Variants in TMEM109 observed in about 807,000 individuals in gnomAD.
The protein encoded by TMEM109 is voltage-gated monoatomic cation channel TMEM109.
A neutral mutation model predicts 26.4 loss-of-function variants in TMEM109; 19 were observed. That is an observed-to-expected ratio of 0.72 (90% CI 0.50 to 1.06). TMEM109 has a LOEUF of 1.06. TMEM109 is among the 50% of genes least tolerant of loss of function. The probability of loss-of-function intolerance (pLI) is 0.00; values close to 1 mark genes in which losing one functional copy is unlikely to be tolerated. For missense variants in TMEM109, 262 were observed against 303.4 expected (o/e 0.86, Z 1.01); for synonymous variants, 129 against 142.0 (o/e 0.91, Z 0.65).
At chr11:60,919,089 TCA>T (rs770592278) in intron 1 of TMEM109, 1 of 153,976 alleles carries the variant, frequency 6.5e-6, no homozygotes, top group Non-Finnish European at 1.4e-5. Flanking sequence ...AACTTCTGAG[TCA>T]CAGTTTCTTC....
rs575108747 is a variant in TMEM109, at chr11:60,916,026, G to C, written c.-9+1758G>C. 1.3e-3 allele frequency among the ~76,000 whole-genome samples: 199 copies of C among 152,300 alleles called. 3 individuals are homozygous for C. The highest frequency in any genetic ancestry group is 4.6e-3 in the African/African-American group (191 of 41,562). The stretch of plus-strand genomic sequence containing the variant: ...TGTGTTCCCTCGGAGGAGTCTGGAT[G>C]TCCTTCCACTTTGAGCTTGTTGGTG... On this transcript the variant is annotated intron_variant, in intron 1 of 3. Coordinates refer to ENST00000227525, the MANE Select transcript of TMEM109 (RefSeq NM_024092.3).
intron 1 of TMEM109, among the ~76,000 whole-genome samples, chr11:60,915,623 G>T (rs1474160549): frequency 6.6e-6 from 1 of 152,204 alleles, no homozygotes; most frequent in East Asian, 1.9e-4. Flanking sequence ...GCAGCTATGA[G>T]CAGCGGCGGG....
At chr11:60,921,749 A>C (rs752335637) in intron 3 of TMEM109, 25 bp from the exon 4 acceptor site, 5 of 1,588,046 alleles carry the variant, frequency 3.1e-6, no homozygotes, top group Non-Finnish European at 8.6e-7. Flanking sequence ...AGGTTGGCTG[A>C]CTCTGTGACT....
intron 2 of TMEM109, 75 bp from the exon 3 acceptor site, chr11:60,920,811 G>A: frequency 1.6e-6 from 2 of 1,260,720 alleles, no homozygotes; most frequent in South Asian, 1.2e-5. Flanking sequence ...TTCTTGCCTG[G>A]ACAGTGGTGA....
rs1405135828 is a variant in TMEM109, at chr11:60,922,254, T to C, written c.*89T>C. The C allele has an allele frequency of 1.9e-6, 3 of 1,547,218 alleles. No individual in the cohort carries two copies. Among genetic ancestry groups the C allele is most frequent in the East Asian group, 4.9e-5 (2 of 40,932 alleles). On this transcript the variant is annotated 3_prime_UTR_variant, in exon 4 of 4. Coordinates refer to ENST00000227525, the MANE Select transcript of TMEM109 (RefSeq NM_024092.3). ...CCCTCCTGCCAGCCCCCTGCCCTTTTCTTGCCCTGTCTCTGAACCTTCAGA... is the reference window on the plus strand; with the variant it reads ...CCCTCCTGCCAGCCCCCTGCCCTTTCCTTGCCCTGTCTCTGAACCTTCAGA...
intron 1 of TMEM109, among the ~76,000 whole-genome samples, chr11:60,917,734 C>T (rs748318023): frequency 8.5e-5 from 13 of 152,168 alleles, no homozygotes; most frequent in South Asian, 2.1e-4. Flanking sequence ...TAGCTCACTG[C>T]AGCCGTGACC....
intron 1 of TMEM109, among the ~76,000 whole-genome samples, chr11:60,916,043 T>C (rs895472017): frequency 6.6e-6 from 1 of 152,190 alleles, no homozygotes. Context: ...CACTTTGAGC[T>C]TGTTGGTGAA....
chr11:60,921,837 G>A lies in TMEM109; in HGVS notation c.404G>A (p.Gly135Glu). The A allele has an allele frequency of 6.2e-7, 1 of 1,614,146 alleles. No individual in the cohort carries two copies. The highest frequency in any genetic ancestry group is 8.5e-7 in the Non-Finnish European group (1 of 1,180,052). ...CAGGTCCAGACCTTCCTGCTGTGGG[G>A]AGCAGGGGCCCTGGTCGTCTACTGG... ...PGQVQTFLLW[G>E]AGALVVYWLL... The change falls in exon 4 of 4, where the codon GGA becomes GAA. Residue 135 changes from glycine to glutamate, a missense_variant. Transcript: ENST00000227525.
At chr11:60,918,598 CTT>C (rs34970555) in intron 1 of TMEM109, 382 of 141,476 alleles carry the variant, frequency 2.7e-3, no homozygotes, top group Middle Eastern at 7.1e-3. Context: ...AAATTTCTTT[CTT>C]TTTTTTTTTT....
rs202067597 is a variant in TMEM109 at position 60,919,843 on chromosome 11, A to C, written c.150A>C (p.Pro50=). 97 of 1,614,222 alleles carry C rather than the reference A, an allele frequency of 6.0e-5. No individual in the cohort carries two copies. Among genetic ancestry groups the C allele is most frequent in the Non-Finnish European group, 8.0e-5 (94 of 1,180,042 alleles). Residue 50 remains proline (P), a synonymous_variant, in exon 2 of 4, where the codon CCA becomes CCC. Transcript: ENST00000227525. ...CAGGCCAACAGAAGAGAGAAGCCCC[A>C]GTTGATGTCTTGACCCAGATAGGTC... ...APPGQQKREA[P]VDVLTQIGRS... is the part of the protein sequence containing the mutation.
In TMEM109 at chr11:60,921,811, C is replaced by A. The variant is rs779606958; in HGVS notation, c.378C>A (p.Gly126=). The change falls in exon 4 of 4, where the codon GGC becomes GGA. Residue 126 remains glycine, a synonymous_variant. Transcript: ENST00000227525. ...YLAQGLKLSP[G]QVQTFLLWGA... ...CCCAGGGCCTGAAGCTCAGCCCTGG[C>A]CAGGTCCAGACCTTCCTGCTGTGGG... 1 of 1,613,726 alleles carries A rather than the reference C, an allele frequency of 6.2e-7. No homozygotes were observed.
At position 60,922,441 on chromosome 11, in the gene TMEM109, C is replaced by A; in HGVS notation, c.*276C>A. 1.4e-6 allele frequency: 2 copies of A among 1,382,658 alleles called. No homozygotes were observed. Among genetic ancestry groups the A allele is most frequent in the Non-Finnish European group, 2.0e-6 (2 of 1,022,070 alleles). 85.6% of individuals were successfully genotyped at this position (1,382,658 alleles called of 1,614,324 possible). Reference sequence around the variant, plus strand: ...GCCTCACCAGGGAAGGTTGGAGGGGCCTCCCTCTGGCTTCTGCATCTGCGC... The same window carrying A: ...GCCTCACCAGGGAAGGTTGGAGGGGACTCCCTCTGGCTTCTGCATCTGCGC... On this transcript the variant is annotated 3_prime_UTR_variant, in exon 4 of 4. Coordinates refer to ENST00000227525, the MANE Select transcript of TMEM109 (RefSeq NM_024092.3).
chr11:60,920,919 G>C lies in TMEM109; in HGVS notation c.271G>C (p.Ala91Pro). The C allele has an allele frequency of 6.2e-7, 1 of 1,614,162 alleles. No individual in the cohort carries two copies. Among genetic ancestry groups the C allele is most frequent in the Non-Finnish European group, 8.5e-7 (1 of 1,179,992 alleles). ...SSQVLWAISS[A>P]ISVAFFALSG... ...CCAAGTGTTGTGGGCCATCTCATCA[G>C]CCATTTCTGTGGCCTTCTTTGCTCT... Residue 91 changes from alanine (A) to proline (P), a missense_variant, in exon 3 of 4, where the codon GCC becomes CCC. By Grantham distance (27) the Ala-to-Pro change is conservative (BLOSUM62 -1). Coordinates refer to ENST00000227525, the MANE Select transcript of TMEM109 (RefSeq NM_024092.3).
chr11:60,917,057 A>G (rs1442635464), intron 1 of TMEM109, among the ~76,000 whole-genome samples: 1 of 152,196 alleles, frequency 6.6e-6, no homozygotes, highest in Admixed American at 6.5e-5. Flanking sequence ...AGGCTTTCCC[A>G]GCCTGAGGGC....
In TMEM109 at chr11:60,920,954, C is replaced by T. The variant is rs756084678; in HGVS notation, c.306C>T (p.Ile102=). 29 of 1,614,056 alleles carry T rather than the reference C, an allele frequency of 1.8e-5. No homozygotes were observed. Among genetic ancestry groups the T allele is most frequent in the Admixed American group, 5.0e-5 (3 of 59,996 alleles). ...TGGCCTTCTTTGCTCTGTCTGGGAT[C>T]GCCGCACAGCTGCTGAATGCCTTGG... The part of the protein sequence containing the change: ...ISVAFFALSG[I]AAQLLNALGL... Residue 102 remains isoleucine, a synonymous_variant, in exon 3 of 4, where the codon ATC becomes ATT. Coordinates refer to ENST00000227525, the MANE Select transcript of TMEM109 (RefSeq NM_024092.3).
At chr11:60,921,643 C>T in intron 3 of TMEM109, 131 bp from the exon 4 acceptor site, 1 of 706,564 alleles carries the variant, frequency 1.4e-6, no homozygotes, top group South Asian at 1.8e-5. Context: ...CAACCCATAT[C>T]ACTCTGAGTC....
chr11:60,921,636 C>A (rs1856239862), intron 3 of TMEM109, 138 bp from the exon 4 acceptor site: 1 of 689,936 alleles, frequency 1.4e-6, no homozygotes, highest in Admixed American at 2.5e-5. Context: ...GAGATTCCAA[C>A]CCATATCACT....
At chr11:60,921,481 C>T (rs896297995) in intron 3 of TMEM109, among the ~76,000 whole-genome samples, 1 of 152,182 alleles carries the variant, frequency 6.6e-6, no homozygotes, top group South Asian at 2.1e-4. Flanking sequence ...TCCTATCAGG[C>T]ATCGTGCTGA....
At chr11:60,916,449 C>T (rs1856175996) in intron 1 of TMEM109, among the ~76,000 whole-genome samples, 1 of 152,178 alleles carries the variant, frequency 6.6e-6, no homozygotes, top group South Asian at 2.1e-4. Context: ...CATGCTTCCT[C>T]CTCTCAGAGG....
Sources: allele counts gnomAD v4.1 joint callset (sites outside exome capture counted in the v4.1 genomes callset), GRCh38; gene constraint gnomAD v4.1.1; transcripts MANE v1.5; gene names NCBI Gene and HGNC (gene_info 2026-07-23, HGNC 2026-07-21).